Variants in EGFR observed in about 807,000 individuals in gnomAD.
The protein encoded by EGFR is avian erythroblastic leukemia viral (v-erb-b) oncogene homolog.
Under a neutral mutation model 143.0 loss-of-function variants are expected in EGFR, and 58 were observed. The ratio of observed to expected loss-of-function variants is 0.41; its 90% CI spans 0.33 to 0.50. The LOEUF (loss-of-function observed/expected upper bound fraction) is 0.50. Ranked by LOEUF, EGFR falls within the 20% of genes least tolerant of loss-of-function variation. The pLI is 0.39. For synonymous variants in EGFR, 613 were observed against 594.4 expected (o/e 1.03, Z -0.45); for missense variants, 1,307 against 1,579.0 (o/e 0.83, Z 2.92).
Position 55,170,254 on chromosome 7 carries a change from A to G in EGFR, c.1881-921A>G, listed in dbSNP as rs1207651747. ...TAGGATCAGATTATAGTGTTACACC[A>G]GGGCTCCCCAGGCCTCTCACATATT... On this transcript the variant is annotated intron_variant, in intron 15 of 27. Coordinates refer to ENST00000275493, the MANE Select transcript of EGFR (RefSeq NM_005228.5). 4 of 1,613,376 alleles carry G rather than the reference A, an allele frequency of 2.5e-6. No individual in the cohort carries two copies. The East Asian group carries it at 8.9e-5, about 36-fold the overall frequency.
At chr7:55,188,052 A>G (rs1787221179) in intron 20 of EGFR, among the ~76,000 whole-genome samples, 1 of 152,170 alleles carries the variant, frequency 6.6e-6, no homozygotes, top group African/African-American at 2.4e-5. Flanking sequence ...TGGTCTCAGC[A>G]TGGTTCTGGT....
chr7:55,147,357 C>G lies in EGFR; in HGVS notation c.559+617C>G, dbSNP rs567129806. ...CCAGCACTGATGGGGGACTCTGAGA[C>G]GCAAGCTCACACTCACCCAGCTCCC... On this transcript the variant is annotated intron_variant, in intron 4 of 27. Transcript: ENST00000275493. Among the ~76,000 whole-genome samples, 65 of 152,336 alleles carry G rather than the reference C, an allele frequency of 4.3e-4. 1 individual carries two copies. The South Asian group carries it at 9.3e-3, about 22-fold the overall frequency.
At chr7:55,145,086 C>T (rs17336373) in intron 3 of EGFR, among the ~76,000 whole-genome samples, 140 of 152,336 alleles carry the variant, frequency 9.2e-4, no homozygotes, top group Non-Finnish European at 1.7e-3. Flanking sequence ...GTGAGCCTCC[C>T]CTAAGCCACC....
chr7:55,103,943 T>C lies in EGFR; in HGVS notation c.89-38343T>C, dbSNP rs114812195. Among the ~76,000 whole-genome samples, 1,112 of 152,344 alleles carry C rather than the reference T, an allele frequency of 7.3e-3. 17 individuals are homozygous for C. Among genetic ancestry groups the C allele is most frequent in the African/African-American group, 0.025 (1,045 of 41,570 alleles). On this transcript the variant is annotated intron_variant, in intron 1 of 27. Transcript: ENST00000275493. ...AAATGACATTGTTTCTAAAAATTCA[T>C]TACTTGCATTATATTCATTTTTATT...
intron 1 of EGFR, among the ~76,000 whole-genome samples, chr7:55,027,989 AAAAT>A (rs553391883): frequency 0.096 from 6,966 of 72,522 alleles, 128 homozygotes; most frequent in Non-Finnish European, 0.12. Context: ...AAAAAAAAAA[AAAAT>A]ATATATATAT....
intron 1 of EGFR, among the ~76,000 whole-genome samples, chr7:55,064,877 A>G (rs1022158395): frequency 3.3e-5 from 5 of 152,244 alleles, no homozygotes; most frequent in Admixed American, 1.3e-4. Context: ...TTTAGCAAAT[A>G]ACCTGCCACA....
chr7:55,189,841 A>G (rs1406420856), intron 20 of EGFR, among the ~76,000 whole-genome samples: 1 of 152,136 alleles, frequency 6.6e-6, no homozygotes, highest in Non-Finnish European at 1.5e-5. Context: ...AGAAGAGGAG[A>G]TAGCCTGGGA....
intron 22 of EGFR, among the ~76,000 whole-genome samples, chr7:55,197,221 T>C (rs990388242): frequency 1.3e-5 from 2 of 152,232 alleles, no homozygotes; most frequent in African/African-American, 4.8e-5. Context: ...TAGAGATCTT[T>C]CACTTTCCTG....
intron 1 of EGFR, among the ~76,000 whole-genome samples, chr7:55,110,425 A>C (rs1211118554): frequency 6.6e-6 from 1 of 152,222 alleles, no homozygotes; most frequent in Non-Finnish European, 1.5e-5. Flanking sequence ...GGGCGTCCTC[A>C]CACATGGGGC....
intron 1 of EGFR, among the ~76,000 whole-genome samples, chr7:55,130,518 C>G (rs1362066317): frequency 6.6e-6 from 1 of 152,144 alleles, no homozygotes; most frequent in Non-Finnish European, 1.5e-5. Context: ...CACGCCCGCC[C>G]CCGGGACAAG....
At chr7:55,146,448 C>T (rs555063896) in intron 3 of EGFR, among the ~76,000 whole-genome samples, 158 bp from the exon 4 acceptor site, 3 of 152,304 alleles carry the variant, frequency 2.0e-5, no homozygotes, top group Admixed American at 6.5e-5. Context: ...ACAATTTTAT[C>T]TGGCCGCCCC....
chr7:55,204,258 C>CCA (rs557587968), intron 27 of EGFR, among the ~76,000 whole-genome samples: 2 of 142,256 alleles, frequency 1.4e-5, no homozygotes, highest in Non-Finnish European at 3.1e-5. Context: ...CACATACACA[C>CCA]CACACACACA....
chr7:55,048,704 A>G (rs1054278969), intron 1 of EGFR, among the ~76,000 whole-genome samples: 1 of 152,196 alleles, frequency 6.6e-6, no homozygotes, highest in African/African-American at 2.4e-5. Flanking sequence ...TGCCAGGAAC[A>G]TTGAATGAGA....
intron 1 of EGFR, among the ~76,000 whole-genome samples, chr7:55,023,591 C>T (rs867320384): frequency 7.3e-6 from 1 of 137,546 alleles, no homozygotes; most frequent in Non-Finnish European, 1.5e-5. Flanking sequence ...GCAGAGGTTG[C>T]AGTGAGCCAA....
intron 1 of EGFR, among the ~76,000 whole-genome samples, chr7:55,020,976 G>A (rs1786533292): frequency 6.6e-6 from 1 of 152,118 alleles, no homozygotes; most frequent in African/African-American, 2.4e-5. Flanking sequence ...CTGGACTTGG[G>A]ATTTTTTTTA....
At position 55,111,905 on chromosome 7, in the gene EGFR, T is replaced by C. The variant is rs555546616; in HGVS notation, c.89-30381T>C. ...TGTGTGCCAGGCACTGTTTACAGCA[T>C]CTCGTTTAACCAGCAGTCACCACCT... On this transcript the variant is annotated intron_variant, in intron 1 of 27. Coordinates refer to ENST00000275493, the MANE Select transcript of EGFR (RefSeq NM_005228.5). Among the ~76,000 whole-genome samples, 4 of 152,346 alleles carry C rather than the reference T, an allele frequency of 2.6e-5. No individual in the cohort carries two copies. In the South Asian group the frequency reaches 8.3e-4, roughly 32 times the overall value.
chr7:55,192,718 G>A, intron 21 of EGFR, 48 bp from the exon 22 acceptor site: 1 of 1,561,404 alleles, frequency 6.4e-7, no homozygotes, highest in Non-Finnish European at 8.8e-7. Flanking sequence ...TTTTCCAACA[G>A]AGGGAAACTA....
chr7:55,132,337 A>G (rs1054626377), intron 1 of EGFR, among the ~76,000 whole-genome samples: 2 of 152,210 alleles, frequency 1.3e-5, no homozygotes, highest in Non-Finnish European at 2.9e-5. Flanking sequence ...CAAATTACAT[A>G]TCTGTTTCAG....
At chr7:55,044,717 G>C (rs11760406) in intron 1 of EGFR, among the ~76,000 whole-genome samples, 1 of 151,972 alleles carries the variant, frequency 6.6e-6, no homozygotes, top group Non-Finnish European at 1.5e-5. Flanking sequence ...GTTTCCCGCC[G>C]CCCCCCGCAT....
Sources: gnomAD v4.1 joint callset for allele counts (sites outside exome capture counted in the v4.1 genomes callset) on GRCh38, gnomAD v4.1.1 for gene constraint, MANE v1.5 for transcripts, NCBI Gene and HGNC (gene_info 2026-07-23, HGNC 2026-07-21) for gene names.